NELL1: variants seen among roughly 807,000 people sequenced by gnomAD.
The protein encoded by NELL1 is neural EGFL like 1.
In NELL1, 76 loss-of-function variants were observed where a neutral mutation model predicts 107.4. The observed-to-expected ratio is 0.71, with a 90% CI of 0.59 to 0.86. NELL1 has a LOEUF of 0.86. Ranked by LOEUF, NELL1 falls within the 40% of genes least tolerant of loss-of-function variation. The probability of loss-of-function intolerance (pLI) is 0.00; values close to 1 mark genes in which losing one functional copy is unlikely to be tolerated. For synonymous variants in NELL1, 353 were observed against 341.2 expected (o/e 1.03, Z -0.38); for missense variants, 1,024 against 1,005.5 (o/e 1.02, Z -0.25).
chr11:21,441,612 C>G (rs1489068060), intron 15 of NELL1, among the ~76,000 whole-genome samples: 1 of 151,916 alleles, frequency 6.6e-6, no homozygotes, highest in African/African-American at 2.4e-5. Context: ...TTTTCTAGCT[C>G]TAAAATGCAG....
intron 12 of NELL1, among the ~76,000 whole-genome samples, chr11:21,041,880 T>C (rs1409545813): frequency 1.3e-5 from 2 of 152,342 alleles, no homozygotes; most frequent in East Asian, 3.9e-4. Context: ...AAGGATGGTG[T>C]TTTGCTGAAG....
chr11:20,740,630 G>T (rs1232762218), intron 2 of NELL1, among the ~76,000 whole-genome samples: 1 of 152,110 alleles, frequency 6.6e-6, no homozygotes, highest in Non-Finnish European at 1.5e-5. Context: ...TGCAGCATTT[G>T]ATTTCTTTAG....
intron 2 of NELL1, among the ~76,000 whole-genome samples, chr11:20,686,968 G>C (rs1048665207): frequency 4.7e-5 from 7 of 150,000 alleles, no homozygotes; most frequent in Admixed American, 4.6e-4. Flanking sequence ...AGAGTAGAGG[G>C]GTCCCTTTTA....
At chr11:21,196,896 T>TTTTC (rs1237772872) in intron 13 of NELL1, among the ~76,000 whole-genome samples, 1 of 150,800 alleles carries the variant, frequency 6.6e-6, no homozygotes, top group Non-Finnish European at 1.5e-5. Context: ...TTTTTTTTTT[T>TTTTC]TTTCTCACTC....
At chr11:21,378,509 A>G (rs1851534379) in intron 15 of NELL1, among the ~76,000 whole-genome samples, 1 of 151,848 alleles carries the variant, frequency 6.6e-6, no homozygotes, top group Admixed American at 6.6e-5. Flanking sequence ...GTTGGTATGG[A>G]AACTCAGCCT....
intron 12 of NELL1, among the ~76,000 whole-genome samples, chr11:21,112,340 T>C (rs996159319): frequency 2.6e-5 from 4 of 152,234 alleles, no homozygotes; most frequent in Admixed American, 2.6e-4. Flanking sequence ...TTAAGATAAA[T>C]AGATTAATGA....
chr11:21,375,840 T>G (rs1279428933), intron 15 of NELL1, among the ~76,000 whole-genome samples: 1 of 152,058 alleles, frequency 6.6e-6, no homozygotes, highest in East Asian at 1.9e-4. Context: ...GTTGGCTGCT[T>G]GTATGTCTGT....
intron 15 of NELL1, among the ~76,000 whole-genome samples, chr11:21,426,649 G>A (rs1425817127): frequency 6.6e-6 from 1 of 152,136 alleles, no homozygotes; most frequent in South Asian, 2.1e-4. Context: ...TTCTACAGCT[G>A]AATCACTGAA....
intron 12 of NELL1, among the ~76,000 whole-genome samples, chr11:21,028,153 G>T (rs1665515744): frequency 6.6e-6 from 1 of 152,130 alleles, no homozygotes; most frequent in Admixed American, 6.6e-5. Flanking sequence ...TTTCTGAAGG[G>T]ATGTAAGAGT....
At chr11:21,044,591 A>C (rs938248217) in intron 12 of NELL1, among the ~76,000 whole-genome samples, 2 of 152,108 alleles carry the variant, frequency 1.3e-5, no homozygotes, top group Non-Finnish European at 2.9e-5. Flanking sequence ...GATCCAATAG[A>C]GATGTTTGAA....
At chr11:20,873,767 C>CTT (rs34217570) in intron 4 of NELL1, among the ~76,000 whole-genome samples, 16,589 of 135,616 alleles carry the variant, frequency 0.12, 1,393 homozygotes, top group African/African-American at 0.21. Flanking sequence ...GAATATTTGA[C>CTT]TTTTTTTTTT....
At chr11:21,237,010 T>A (rs1441783927) in intron 14 of NELL1, among the ~76,000 whole-genome samples, 1 of 152,164 alleles carries the variant, frequency 6.6e-6, no homozygotes, top group Non-Finnish European at 1.5e-5. Flanking sequence ...TACAGGCTGA[T>A]CTTTACTGAT....
At chr11:21,568,627 T>G (rs1252772856) in intron 17 of NELL1, among the ~76,000 whole-genome samples, 1 of 151,826 alleles carries the variant, frequency 6.6e-6, no homozygotes, top group Admixed American at 6.6e-5. Flanking sequence ...CTTTTTCTAA[T>G]TTTTTAAAAC....
chr11:21,418,385 T>C (rs1451472424), intron 15 of NELL1, among the ~76,000 whole-genome samples: 1 of 152,104 alleles, frequency 6.6e-6, no homozygotes, highest in Non-Finnish European at 1.5e-5. Flanking sequence ...TGATTTGCCT[T>C]AGTAGTAGTA....
chr11:21,024,761 C>T (rs1461356715), intron 12 of NELL1, among the ~76,000 whole-genome samples: 5 of 152,024 alleles, frequency 3.3e-5, no homozygotes, highest in Non-Finnish European at 7.4e-5. Flanking sequence ...CAATAATTTC[C>T]AAGGCTATAG....
chr11:20,968,707 A>G (rs976243251), intron 12 of NELL1, among the ~76,000 whole-genome samples: 1 of 152,210 alleles, frequency 6.6e-6, no homozygotes, highest in African/African-American at 2.4e-5. Context: ...AGATTTTCAA[A>G]TGGATGTTCC....
intron 12 of NELL1, among the ~76,000 whole-genome samples, chr11:21,045,146 C>A (rs189702579): frequency 7.2e-5 from 11 of 152,088 alleles, no homozygotes; most frequent in Admixed American, 7.2e-4. Context: ...AATAGATTAA[C>A]GGATTGGTAT....
At chr11:21,170,154 G>T in intron 13 of NELL1, 1 of 654,508 alleles carries the variant, frequency 1.5e-6, no homozygotes, top group South Asian at 1.8e-5. Context: ...TTCAATACAT[G>T]ACTGGGATGT....
chr11:21,380,137 C>T (rs1851576939), intron 15 of NELL1, among the ~76,000 whole-genome samples: 1 of 152,002 alleles, frequency 6.6e-6, no homozygotes, highest in African/African-American at 2.4e-5. Context: ...GGTTGTCTGG[C>T]ACATGATTAC....
Sources: allele counts gnomAD v4.1 joint callset (sites outside exome capture counted in the v4.1 genomes callset), GRCh38; gene constraint gnomAD v4.1.1; transcripts MANE v1.5; gene names NCBI Gene and HGNC (gene_info 2026-07-23, HGNC 2026-07-21).